Variants in YWHAB observed in about 807,000 individuals in gnomAD.
The protein encoded by YWHAB is 14-3-3 protein beta/alpha.
A neutral mutation model predicts 28.5 loss-of-function variants in YWHAB; 2 were observed. The ratio of observed to expected loss-of-function variants is 0.07; its 90% CI spans 0.03 to 0.22. The LOEUF is 0.22. Among genes scored for constraint, YWHAB ranks in the 10% least tolerant of loss-of-function variants. YWHAB has a pLI of 1.00. For synonymous variants in YWHAB, 103 were observed against 104.7 expected, an observed-to-expected ratio of 0.98 and a Z score of 0.10; for missense variants, 148 against 297.1, an observed-to-expected ratio of 0.50 and a Z score of 3.69.
At position 44,901,762 on chromosome 20, in the gene YWHAB, A is replaced by C. The variant is rs142757633; in HGVS notation, c.229A>C (p.Lys77Gln). The change falls in exon 2 of 6, where the codon AAG (lysine) becomes CAG (glutamine). Residue 77 changes from lysine to glutamine, a missense_variant. Coordinates refer to ENST00000353703, the MANE Select transcript of YWHAB (RefSeq NM_139323.4). ...IEQKTERNEK[K>Q]QQMGKEYREK... Reference sequence around the variant, plus strand: ...GCAGAAAACAGAGAGGAATGAGAAGAAGCAGCAGATGGGCAAAGAGTACCG... The same window carrying C: ...GCAGAAAACAGAGAGGAATGAGAAGCAGCAGCAGATGGGCAAAGAGTACCG... 9.5e-4 allele frequency: 1,532 copies of C among 1,613,682 alleles called. 8 individuals carry two copies. The highest frequency in any genetic ancestry group is 1.0e-3 in the South Asian group (95 of 91,070).
intron 1 of YWHAB, among the ~76,000 whole-genome samples, chr20:44,899,586 G>C (rs999041174): frequency 6.6e-6 from 1 of 152,148 alleles, no homozygotes. Context: ...TATACTGTGT[G>C]GCACAGATTG....
intron 4 of YWHAB, 127 bp from the exon 5 acceptor site, chr20:44,905,874 A>G (rs1201684150): frequency 4.4e-6 from 3 of 680,866 alleles, no homozygotes; most frequent in African/African-American, 1.8e-5. Context: ...AGACAGGGTA[A>G]TAATAGCCTA....
chr20:44,897,302 C>G (rs1484980509), intron 1 of YWHAB, among the ~76,000 whole-genome samples: 2 of 152,208 alleles, frequency 1.3e-5, no homozygotes, highest in African/African-American at 4.8e-5. Context: ...TGGCTTAGCT[C>G]TGAATTGGCT....
intron 2 of YWHAB, chr20:44,903,596 C>G (rs2066639541): frequency 6.3e-6 from 1 of 158,440 alleles, no homozygotes; most frequent in East Asian, 1.9e-4. Flanking sequence ...CAGGCTTTTC[C>G]CTTATATATT....
intron 1 of YWHAB, among the ~76,000 whole-genome samples, chr20:44,900,946 T>C (rs1262695950): frequency 6.6e-6 from 1 of 152,152 alleles, no homozygotes; most frequent in African/African-American, 2.4e-5. Flanking sequence ...TGGCTAATTT[T>C]TGTATTTTTA....
intron 1 of YWHAB, among the ~76,000 whole-genome samples, chr20:44,888,316 T>TA (rs754030939): frequency 2.5e-4 from 38 of 152,248 alleles, no homozygotes; most frequent in Middle Eastern, 3.2e-3. Flanking sequence ...TTACAGTACT[T>TA]ACTGTGTGCT....
Position 44,906,476 on chromosome 20 carries a change from G to C in YWHAB, c.*38G>C. 1 of 1,220,232 alleles carries C rather than the reference G, an allele frequency of 8.2e-7. No homozygotes were observed. Among genetic ancestry groups the C allele is most frequent in the South Asian group, 1.2e-5 (1 of 80,400 alleles). The allele number at this position is 1,220,232 out of a possible 1,614,324, so 75.6% of individuals were successfully genotyped here. On this transcript the variant is annotated 3_prime_UTR_variant, in exon 6 of 6. Transcript: ENST00000353703. ...TTTGTGATCTGTTCAGTGTCACTCT[G>C]TACCCTCAACATATATCCCTTGTGC...
chr20:44,906,280 A>C, intron 5 of YWHAB, 102 bp from the exon 6 acceptor site: 1 of 1,318,506 alleles, frequency 7.6e-7, no homozygotes, highest in Non-Finnish European at 1.1e-6. Flanking sequence ...TGACACAGGA[A>C]TAATTTTAAA....
At chr20:44,891,630 C>G (rs555334025) in intron 1 of YWHAB, among the ~76,000 whole-genome samples, 1 of 142,370 alleles carries the variant, frequency 7.0e-6, no homozygotes, top group East Asian at 1.9e-4. Flanking sequence ...AATTTATTGT[C>G]ATATCTACCA....
intron 1 of YWHAB, chr20:44,886,224 G>T (rs1192903122): frequency 1.3e-5 from 2 of 152,470 alleles, no homozygotes; most frequent in Non-Finnish European, 2.9e-5. Context: ...ACCCCTCCCT[G>T]CGTCTTGGTC....
chr20:44,887,806 C>T (rs1038975048), intron 1 of YWHAB: 46 of 152,368 alleles, frequency 3.0e-4, no homozygotes, highest in African/African-American at 1.0e-3. Flanking sequence ...GCATGTTAAT[C>T]TCTGGTTCTT....
intron 5 of YWHAB, 61 bp downstream of exon 5, chr20:44,906,157 T>C: frequency 7.3e-7 from 1 of 1,376,546 alleles, no homozygotes; most frequent in Non-Finnish European, 1.0e-6. Flanking sequence ...AATAATTCAC[T>C]GTTATCTTCA....
chr20:44,893,438 T>TG (rs1487469349), intron 1 of YWHAB, among the ~76,000 whole-genome samples: 1 of 152,100 alleles, frequency 6.6e-6, no homozygotes, highest in East Asian at 1.9e-4. Flanking sequence ...AATACATACT[T>TG]GAAGAAAATT....
At chr20:44,896,133 C>A (rs543933080) in intron 1 of YWHAB, among the ~76,000 whole-genome samples, 3 of 152,190 alleles carry the variant, frequency 2.0e-5, no homozygotes, top group Non-Finnish European at 2.9e-5. Context: ...GCAATGCCGT[C>A]CCATAGGAAT....
At chr20:44,887,298 G>A (rs1260384749) in intron 1 of YWHAB, 1 of 152,136 alleles carries the variant, frequency 6.6e-6, no homozygotes, top group Non-Finnish European at 1.5e-5. Context: ...TTTCAAAATG[G>A]AAGGCTAATA....
chr20:44,890,657 C>A (rs2066555822), intron 1 of YWHAB, among the ~76,000 whole-genome samples: 1 of 151,980 alleles, frequency 6.6e-6, no homozygotes, highest in Non-Finnish European at 1.5e-5. Context: ...ATTACAGGCG[C>A]CTGCCACTGC....
intron 1 of YWHAB, among the ~76,000 whole-genome samples, chr20:44,900,969 T>G (rs1317837312): frequency 3.3e-5 from 5 of 152,102 alleles, no homozygotes; most frequent in African/African-American, 9.7e-5. Flanking sequence ...AGAGATGGGG[T>G]TTCACTGTGT....
intron 1 of YWHAB, among the ~76,000 whole-genome samples, chr20:44,889,500 A>G (rs1318272420): frequency 1.4e-5 from 2 of 145,784 alleles, no homozygotes; most frequent in African/African-American, 5.1e-5. Flanking sequence ...GTTCTTTATT[A>G]TGTAAGTTTT....
intron 1 of YWHAB, chr20:44,886,777 G>A (rs1406021109): frequency 2.0e-5 from 3 of 152,164 alleles, no homozygotes; most frequent in Non-Finnish European, 2.9e-5. Flanking sequence ...CATATAATGG[G>A]GTTTTCAGAG....
Sources: allele counts gnomAD v4.1 joint callset (sites outside exome capture counted in the v4.1 genomes callset), GRCh38; gene constraint gnomAD v4.1.1; transcripts MANE v1.5; gene names NCBI Gene and HGNC (gene_info 2026-07-23, HGNC 2026-07-21).